Variants in RNF175 observed in about 807,000 individuals in gnomAD.
RNF175 encodes the protein ring finger protein 175.
RNF175 carries 38 observed loss-of-function variants against 50.0 expected under a neutral mutation model. The ratio of observed to expected loss-of-function variants is 0.76; its 90% CI spans 0.59 to 1.00. RNF175 has a LOEUF of 1.00. Ranked by LOEUF, RNF175 falls within the 50% of genes least tolerant of loss-of-function variation. The pLI is 0.00. For synonymous variants in RNF175, 155 were observed against 146.1 expected (o/e 1.06, Z -0.44); for missense variants, 388 against 409.6 (o/e 0.95, Z 0.46).
intron 6 of RNF175, among the ~76,000 whole-genome samples, chr4:153,719,911 A>G (rs1738223244): frequency 6.6e-6 from 1 of 152,258 alleles, no homozygotes; most frequent in Admixed American, 6.5e-5. Context: ...AATAACATAA[A>G]TAATTTGCGT....
chr4:153,713,828 G>C (rs1737743953), intron 7 of RNF175: 1 of 152,164 alleles, frequency 6.6e-6, no homozygotes, highest in Non-Finnish European at 1.5e-5. Flanking sequence ...AAAAGGGCTG[G>C]AATACAGCCC....
intron 3 of RNF175, chr4:153,729,668 G>C: frequency 1.0e-6 from 1 of 984,882 alleles, no homozygotes; most frequent in Non-Finnish European, 1.2e-6. Flanking sequence ...CATTTCCCAG[G>C]CTCACCATTC....
At chr4:153,734,670 T>C (rs1276156675) in intron 3 of RNF175, among the ~76,000 whole-genome samples, 20,746 of 95,742 alleles carry the variant, frequency 0.22, 2,261 homozygotes, top group Non-Finnish European at 0.33. Context: ...TTATTCTTTT[T>C]TTTTTTTTTT....
chr4:153,715,681 A>G lies in RNF175; in HGVS notation c.631-19T>C. ...TGTAGAACTATCAGAGGAAATGGAC[A>G]GAGCACAGTCAGAAAGGAGAGCACA... On this transcript the variant is annotated intron_variant, in intron 6 of 8. Coordinates refer to ENST00000347063, the MANE Select transcript of RNF175 (RefSeq NM_173662.4). 1 of 1,610,740 alleles carries G rather than the reference A, an allele frequency of 6.2e-7. No homozygotes were observed. Among genetic ancestry groups the G allele is most frequent in the Non-Finnish European group, 8.5e-7 (1 of 1,177,986 alleles).
intron 5 of RNF175, 107 bp from the exon 6 acceptor site, chr4:153,720,411 T>C (rs898174678): frequency 4.8e-5 from 31 of 648,566 alleles, no homozygotes; most frequent in Non-Finnish European, 6.8e-5. Context: ...CTTGTGGGTA[T>C]TTTTTTTTTC....
chr4:153,724,834 C>G (rs1738575499), intron 4 of RNF175, among the ~76,000 whole-genome samples: 1 of 151,890 alleles, frequency 6.6e-6, no homozygotes, highest in African/African-American at 2.4e-5. Context: ...AACTGATATT[C>G]AAGGGCTGTC....
At chr4:153,730,375 G>A (rs563076512) in intron 3 of RNF175, among the ~76,000 whole-genome samples, 2 of 152,134 alleles carry the variant, frequency 1.3e-5, no homozygotes, top group South Asian at 4.2e-4. Context: ...GGTCAAGGCT[G>A]CAGTGAGTTG....
At chr4:153,750,406 C>T (rs925284190) in intron 2 of RNF175, among the ~76,000 whole-genome samples, 1 of 152,140 alleles carries the variant, frequency 6.6e-6, no homozygotes, top group African/African-American at 2.4e-5. Context: ...CCCAAGGGTG[C>T]CCCCTGCTGG....
intron 3 of RNF175, among the ~76,000 whole-genome samples, chr4:153,742,008 C>T (rs1266913353): frequency 2.6e-5 from 4 of 152,262 alleles, no homozygotes; most frequent in East Asian, 1.9e-4. Context: ...TGGTGGCTCA[C>T]GCCTGTAATC....
At chr4:153,751,106 G>C (rs1460661804) in intron 2 of RNF175, among the ~76,000 whole-genome samples, 2 of 152,218 alleles carry the variant, frequency 1.3e-5, no homozygotes, top group African/African-American at 4.8e-5. Flanking sequence ...AGGGCCCAAT[G>C]GCCCTACAGT....
intron 6 of RNF175, among the ~76,000 whole-genome samples, chr4:153,718,220 T>TTG (rs1382284022): frequency 1.9e-5 from 1 of 51,970 alleles, no homozygotes; most frequent in African/African-American, 6.0e-5. Context: ...TTTTTTTTGT[T>TTG]TGTTTGTTTG....
chr4:153,712,472 T>C lies in RNF175; in HGVS notation c.866+3A>G. 4.6e-6 allele frequency: 7 copies of C among 1,529,946 alleles called. No individual in the cohort carries two copies. The highest frequency in any genetic ancestry group is 6.3e-6 in the Non-Finnish European group (7 of 1,104,686). 94.8% of individuals were successfully genotyped at this position (1,529,946 alleles called of 1,614,324 possible). A position where few individuals can be genotyped will look rare whatever the true frequency, so the allele number is the denominator to read the frequency against. ...CTTATAACCTTTTTGTTTTAAAGGATATGGATTACTGATCATCCTCTTCAA... is the reference window on the plus strand; with the variant it reads ...CTTATAACCTTTTTGTTTTAAAGGACATGGATTACTGATCATCCTCTTCAA... On this transcript the variant is annotated splice_donor_region_variant and intron_variant, in intron 8 of 8. Coordinates refer to ENST00000347063, the MANE Select transcript of RNF175 (RefSeq NM_173662.4).
chr4:153,717,002 TG>T (rs1394919024), intron 6 of RNF175, among the ~76,000 whole-genome samples: 1 of 152,218 alleles, frequency 6.6e-6, no homozygotes, highest in Non-Finnish European at 1.5e-5. Context: ...GACTCTAAAA[TG>T]TAATCATCAC....
At chr4:153,759,612 G>T (rs1050555559) in intron 1 of RNF175, among the ~76,000 whole-genome samples, 185 bp downstream of exon 1, 2 of 152,178 alleles carry the variant, frequency 1.3e-5, no homozygotes, top group Non-Finnish European at 1.5e-5. Context: ...GTGGAGGAGG[G>T]ACTGGCACCC....
intron 2 of RNF175, among the ~76,000 whole-genome samples, chr4:153,749,854 C>CT (rs1401500167): frequency 1.3e-5 from 2 of 152,322 alleles, no homozygotes; most frequent in East Asian, 3.9e-4. Flanking sequence ...CAACCAAAAC[C>CT]TGCCAGCACC....
intron 3 of RNF175, among the ~76,000 whole-genome samples, chr4:153,735,830 T>A (rs1283937760): frequency 6.6e-6 from 1 of 152,250 alleles, no homozygotes; most frequent in East Asian, 1.9e-4. Context: ...GACTTTTGTA[T>A]ATTTACTTTG....
chr4:153,710,448 C>T lies in RNF175; in HGVS notation c.908G>A (p.Trp303Ter), dbSNP rs763951787. ...TTGCCAGGCCACCAAATAACGAAGC[C>T]AATCCAGGATTTGTCCATACAGAAA... ...THFLYGQILD[W>*]LRYLVAWQPV... The change falls in exon 9 of 9, where the codon TGG becomes TAG. Residue 303 changes from tryptophan (W) to a stop codon, truncating the protein, a stop_gained. Coordinates refer to ENST00000347063, the MANE Select transcript of RNF175 (RefSeq NM_173662.4). LOFTEE classifies it high-confidence loss of function. The T allele has an allele frequency of 6.2e-7, 1 of 1,603,130 alleles. No homozygotes were observed. Among genetic ancestry groups the T allele is most frequent in the South Asian group, 1.1e-5 (1 of 88,598 alleles).
intron 3 of RNF175, among the ~76,000 whole-genome samples, chr4:153,735,861 A>G (rs1739327653): frequency 6.6e-6 from 1 of 152,168 alleles, no homozygotes; most frequent in South Asian, 2.1e-4. Context: ...CCTTGCTATA[A>G]TCACTTATTA....
chr4:153,717,775 T>C (rs28786197), intron 6 of RNF175, among the ~76,000 whole-genome samples: 2,366 of 152,294 alleles, frequency 0.016, 72 homozygotes, highest in African/African-American at 0.054. Context: ...AGCACCTTTT[T>C]TCCCACCCCT....
Sources: gnomAD v4.1 joint callset for allele counts (sites outside exome capture counted in the v4.1 genomes callset) on GRCh38, gnomAD v4.1.1 for gene constraint, MANE v1.5 for transcripts, NCBI Gene and HGNC (gene_info 2026-07-23, HGNC 2026-07-21) for gene names.